Variants in FMN2 observed in about 807,000 individuals in gnomAD.
FMN2 encodes formin 2, also known as formin-2.
A neutral mutation model predicts 142.3 loss-of-function variants in FMN2; 51 were observed. The observed-to-expected ratio is 0.36, with a 90% CI of 0.29 to 0.45. The LOEUF (loss-of-function observed/expected upper bound fraction) is 0.45, where lower values mean the gene tolerates loss of function less well. FMN2 is among the 20% of genes least tolerant of loss of function. The pLI, the probability that FMN2 is intolerant of heterozygous loss-of-function variation, is 1.00. For missense variants in FMN2, 1,936 were observed against 2,122.8 expected (o/e 0.91, Z 1.73); for synonymous variants, 882 against 869.8 (o/e 1.01, Z -0.25).
intron 6 of FMN2, among the ~76,000 whole-genome samples, chr1:240,256,270 G>T (rs142541532): frequency 5.7e-4 from 87 of 152,210 alleles, no homozygotes; most frequent in African/African-American, 2.0e-3. Flanking sequence ...GCTATGGATA[G>T]AAATACTTTG....
chr1:240,191,930 A>C (rs1253613777), intron 4 of FMN2, among the ~76,000 whole-genome samples: 2 of 152,204 alleles, frequency 1.3e-5, no homozygotes, highest in Admixed American at 6.5e-5. Flanking sequence ...TGAACATTAT[A>C]ATATTTATCA....
chr1:240,371,296 C>A (rs558334983), intron 14 of FMN2, among the ~76,000 whole-genome samples: 15 of 152,164 alleles, frequency 9.9e-5, no homozygotes, highest in Non-Finnish European at 2.1e-4. Context: ...ATTTGCCCTT[C>A]ATGTTAGATA....
chr1:240,418,736 T>C (rs1674666527), intron 15 of FMN2, among the ~76,000 whole-genome samples: 1 of 151,274 alleles, frequency 6.6e-6, no homozygotes, highest in Non-Finnish European at 1.5e-5. Context: ...TATTTTATTA[T>C]TTTAAACTGA....
chr1:240,466,802 A>G (rs1015807263), intron 16 of FMN2, among the ~76,000 whole-genome samples: 6 of 152,306 alleles, frequency 3.9e-5, no homozygotes, highest in African/African-American at 1.4e-4. Flanking sequence ...TCTGTAAGTC[A>G]GCCTTTGGGG....
chr1:240,092,295 C>G lies in FMN2; in HGVS notation c.186C>G (p.Gly62=). 6.3e-7 allele frequency: 1 copy of G among 1,592,152 alleles called. No individual in the cohort carries two copies. Among genetic ancestry groups the G allele is most frequent in the Non-Finnish European group, 8.6e-7 (1 of 1,167,664 alleles). The change falls in exon 1 of 18, where the codon GGC becomes GGG. Residue 62 remains glycine (G), a synonymous_variant. Coordinates refer to ENST00000319653, the MANE Select transcript of FMN2 (RefSeq NM_020066.5). ...GCGGCGGCGGCGGCGGGGAGTCGGGCAAGAAGAAGAGCAAGTCCGACTCCA... is the reference window on the plus strand; with the variant it reads ...GCGGCGGCGGCGGCGGGGAGTCGGGGAAGAAGAAGAGCAAGTCCGACTCCA... ...GGGGGGGGES[G]KKKSKSDSRA...
chr1:240,320,073 T>G (rs563225946), intron 8 of FMN2, among the ~76,000 whole-genome samples: 1 of 152,286 alleles, frequency 6.6e-6, no homozygotes, highest in Non-Finnish European at 1.5e-5. Flanking sequence ...AGCATCCAGG[T>G]TAGCAGCAAC....
intron 16 of FMN2, among the ~76,000 whole-genome samples, chr1:240,459,716 C>G (rs1383657186): frequency 6.1e-5 from 2 of 32,828 alleles, no homozygotes; most frequent in African/African-American, 2.8e-4. Flanking sequence ...GACTCTGTCT[C>G]TAAAAAAAAA....
At chr1:240,338,996 C>T (rs1009285133) in intron 13 of FMN2, among the ~76,000 whole-genome samples, 5 of 152,124 alleles carry the variant, frequency 3.3e-5, no homozygotes, top group Non-Finnish European at 7.4e-5. Flanking sequence ...GCGCAGTTCA[C>T]GGTAGGGTCC....
chr1:240,472,095 T>G (rs1371429025), intron 16 of FMN2: 1 of 304,326 alleles, frequency 3.3e-6, no homozygotes, highest in African/African-American at 2.2e-5. Context: ...TAGGATGAAA[T>G]GCATACACAC....
chr1:240,198,962 C>T (rs868475029), intron 4 of FMN2, among the ~76,000 whole-genome samples: 5 of 151,870 alleles, frequency 3.3e-5, no homozygotes, highest in Non-Finnish European at 5.9e-5. Flanking sequence ...AAAATTAGCC[C>T]GGCATGGTGG....
intron 8 of FMN2, among the ~76,000 whole-genome samples, chr1:240,298,958 T>G (rs1300802376): frequency 6.7e-6 from 1 of 149,732 alleles, no homozygotes; most frequent in Non-Finnish European, 1.5e-5. Context: ...TTAGTTGAAT[T>G]TTTTTTTTTT....
chr1:240,308,987 C>T (rs1485182184), intron 8 of FMN2, among the ~76,000 whole-genome samples: 1 of 152,106 alleles, frequency 6.6e-6, no homozygotes, highest in Non-Finnish European at 1.5e-5. Context: ...GATATGCAGA[C>T]ACAGGGGTCT....
chr1:240,426,638 C>T (rs531255407), intron 15 of FMN2, among the ~76,000 whole-genome samples: 6 of 152,262 alleles, frequency 3.9e-5, no homozygotes, highest in African/African-American at 9.6e-5. Context: ...TAACCCTACC[C>T]GCTTGCCTCC....
intron 7 of FMN2, among the ~76,000 whole-genome samples, chr1:240,287,120 G>A (rs1250928796): frequency 6.6e-6 from 1 of 152,124 alleles, no homozygotes; most frequent in Non-Finnish European, 1.5e-5. Context: ...AATATACAGT[G>A]AAACAAAAAT....
chr1:240,232,151 C>T (rs558710909), intron 6 of FMN2, among the ~76,000 whole-genome samples: 73 of 151,952 alleles, frequency 4.8e-4, no homozygotes, highest in Non-Finnish European at 8.8e-4. Context: ...CTCACTGCAA[C>T]CTCCGCCTCC....
At chr1:240,335,907 G>T (rs2103022173) in intron 13 of FMN2, among the ~76,000 whole-genome samples, 1 of 152,048 alleles carries the variant, frequency 6.6e-6, no homozygotes, top group East Asian at 1.9e-4. Flanking sequence ...ACTTTGGGAG[G>T]CCGAGACAGG....
chr1:240,222,458 A>T (rs1223140953), intron 6 of FMN2, among the ~76,000 whole-genome samples: 2 of 151,702 alleles, frequency 1.3e-5, no homozygotes, highest in Admixed American at 6.6e-5. Flanking sequence ...GCTTAGGATG[A>T]CTTGGCTATA....
intron 14 of FMN2, among the ~76,000 whole-genome samples, chr1:240,383,553 C>T (rs916705442): frequency 6.6e-6 from 1 of 152,098 alleles, no homozygotes; most frequent in Non-Finnish European, 1.5e-5. Context: ...TACCATCTTT[C>T]AACAGTTAGA....
intron 16 of FMN2, 85 bp downstream of exon 16, chr1:240,438,295 T>A (rs60964723): frequency 7.5e-4 from 1,084 of 1,439,364 alleles, no homozygotes; most frequent in Non-Finnish European, 9.8e-4. Flanking sequence ...TTTCGTAGCC[T>A]GAAGAAAAAA....
Sources: allele counts gnomAD v4.1 joint callset (sites outside exome capture counted in the v4.1 genomes callset), GRCh38; gene constraint gnomAD v4.1.1; transcripts MANE v1.5; gene names NCBI Gene and HGNC (gene_info 2026-07-23, HGNC 2026-07-21).